TNRC6C: variants seen among roughly 807,000 people sequenced by gnomAD.
TNRC6C encodes the protein trinucleotide repeat-containing gene 6C protein.
TNRC6C carries 20 observed loss-of-function variants against 153.7 expected under a neutral mutation model. That is an observed-to-expected ratio of 0.13 (90% CI 0.09 to 0.19). The LOEUF is 0.19. Among genes scored for constraint, TNRC6C ranks in the 10% least tolerant of loss-of-function variants. The pLI is 1.00. For synonymous variants in TNRC6C, 811 were observed against 841.4 expected, an observed-to-expected ratio of 0.96 and a Z score of 0.63; for missense variants, 1,987 against 2,172.0, an observed-to-expected ratio of 0.91 and a Z score of 1.69.
intron 1 of TNRC6C, chr17:78,012,204 T>C (rs2071645475): frequency 6.6e-6 from 1 of 152,238 alleles, no homozygotes; most frequent in African/African-American, 2.4e-5. Flanking sequence ...ATGAGCTAAA[T>C]ATTAGTCACA....
chr17:78,077,499 G>A lies in TNRC6C; in HGVS notation c.3210+165G>A, dbSNP rs898994833. On this transcript the variant is annotated intron_variant, in intron 9 of 19. Transcript: ENST00000301624. The stretch of plus-strand genomic sequence containing the variant: ...AGGATTTCCCTTCAGGTGACTTACT[G>A]GAGTCAAGAGTTGAAGTAGGAAATG... 46 of 855,044 alleles carry A rather than the reference G, an allele frequency of 5.4e-5. No individual in the cohort carries two copies. In the African/African-American group the frequency reaches 7.3e-4, roughly 14 times the overall value. The allele number at this position is 855,044 out of a possible 1,614,324, so 53.0% of individuals were successfully genotyped here. A position where few individuals can be genotyped will look rare whatever the true frequency, so the allele number is the denominator to read the frequency against.
At chr17:78,004,106 G>A, upstream of TNRC6C, 1 of 1,230,180 alleles carries the variant, frequency 8.1e-7, no homozygotes, top group East Asian at 3.2e-5. Flanking sequence ...AGCAGCTAGT[G>A]CTTTTTCATT....
At chr17:78,048,066 T>A (rs1391789163) in intron 2 of TNRC6C, among the ~76,000 whole-genome samples, 1 of 152,070 alleles carries the variant, frequency 6.6e-6, no homozygotes, top group East Asian at 1.9e-4. Flanking sequence ...ATTGAGAGAA[T>A]CTTTAGAGAT....
chr17:78,054,442 C>T (rs1295233221), intron 3 of TNRC6C, among the ~76,000 whole-genome samples: 1 of 151,988 alleles, frequency 6.6e-6, no homozygotes, highest in Non-Finnish European at 1.5e-5. Flanking sequence ...CTGTAAACCA[C>T]TGCAGACTAC....
intron 2 of TNRC6C, among the ~76,000 whole-genome samples, chr17:78,047,603 A>G (rs1294090436): frequency 6.6e-6 from 1 of 152,292 alleles, no homozygotes; most frequent in East Asian, 1.9e-4. Context: ...AAGAGAATTT[A>G]TGTGGGAAAT....
chr17:78,096,727 A>G (rs988669657), intron 16 of TNRC6C, among the ~76,000 whole-genome samples: 2 of 152,228 alleles, frequency 1.3e-5, no homozygotes, highest in African/African-American at 4.8e-5. Flanking sequence ...TGGCAGAGTC[A>G]TTGTCCCAAT....
At chr17:78,041,440 A>G (rs779623222) in intron 2 of TNRC6C, among the ~76,000 whole-genome samples, 1 of 152,170 alleles carries the variant, frequency 6.6e-6, no homozygotes, top group Non-Finnish European at 1.5e-5. Flanking sequence ...TTCTTTATTT[A>G]ATAGACTCTT....
intron 1 of TNRC6C, among the ~76,000 whole-genome samples, chr17:77,982,988 C>A (rs1012339333): frequency 1.3e-5 from 2 of 151,954 alleles, no homozygotes; most frequent in Non-Finnish European, 2.9e-5. Flanking sequence ...AATAACAGAG[C>A]TTTAAAAGAC....
chr17:77,965,941 G>T (rs962998788), intron 1 of TNRC6C, among the ~76,000 whole-genome samples: 1 of 152,130 alleles, frequency 6.6e-6, no homozygotes, highest in Non-Finnish European at 1.5e-5. Flanking sequence ...AGTTCAGTGG[G>T]ACTGACTTTA....
intron 1 of TNRC6C, among the ~76,000 whole-genome samples, chr17:78,015,523 G>A (rs1181075647): frequency 6.6e-6 from 1 of 152,170 alleles, no homozygotes. Flanking sequence ...TCTAATTGAG[G>A]ATCCTTTTAA....
intron 11 of TNRC6C, among the ~76,000 whole-genome samples, chr17:78,084,314 C>T (rs978496132): frequency 2.3e-5 from 3 of 133,280 alleles, no homozygotes; most frequent in Non-Finnish European, 4.8e-5. Flanking sequence ...GACCAGGAAT[C>T]ATGAAGGAGA....
chr17:78,030,237 C>T (rs2072039803), intron 1 of TNRC6C, among the ~76,000 whole-genome samples: 1 of 152,104 alleles, frequency 6.6e-6, no homozygotes, highest in African/African-American at 2.4e-5. Flanking sequence ...GCAACCTCCA[C>T]CTCCCGGGTT....
At chr17:77,997,843 A>G (rs1192429845) in intron 1 of TNRC6C, among the ~76,000 whole-genome samples, 1 of 151,582 alleles carries the variant, frequency 6.6e-6, no homozygotes, top group Non-Finnish European at 1.5e-5. Flanking sequence ...TTTAGTAGAG[A>G]CGGGGTTTCA....
chr17:78,093,778 C>T lies in TNRC6C; in HGVS notation c.4306+15C>T. On this transcript the variant is annotated intron_variant, in intron 16 of 19. Transcript: ENST00000301624. ...CAAGAGTGGAGGTGAGGGTGCTGCT[C>T]TTCCTGCCTCTGCATGGACGGTCTC... 6.2e-7 allele frequency: 1 copy of T among 1,613,386 alleles called. No individual in the cohort carries two copies. The highest frequency in any genetic ancestry group is 1.1e-5 in the South Asian group (1 of 91,066).
At chr17:78,017,116 A>AT (rs1397631475) in intron 1 of TNRC6C, among the ~76,000 whole-genome samples, 1 of 152,172 alleles carries the variant, frequency 6.6e-6, no homozygotes, top group African/African-American at 2.4e-5. Flanking sequence ...GGAGGGAAAG[A>AT]TAGGTGGGGC....
At chr17:78,031,924 A>T in intron 2 of TNRC6C, 82 bp downstream of exon 4, 1 of 1,195,432 alleles carries the variant, frequency 8.4e-7, no homozygotes, top group Non-Finnish European at 1.0e-6. Context: ...ATAGAAATAG[A>T]CATATTTTGG....
intron 11 of TNRC6C, among the ~76,000 whole-genome samples, chr17:78,085,122 G>A (rs1444789792): frequency 6.6e-6 from 1 of 152,176 alleles, no homozygotes; most frequent in South Asian, 2.1e-4. Flanking sequence ...AGCTGTTACT[G>A]TAGAGGAAGA....
intron 7 of TNRC6C, among the ~76,000 whole-genome samples, chr17:78,073,713 T>C (rs985005907): frequency 3.3e-5 from 5 of 152,182 alleles, no homozygotes; most frequent in Admixed American, 6.5e-5. Context: ...CTCACAACAT[T>C]TTTGTCAACC....
At chr17:78,017,542 A>T (rs2071751098) in intron 1 of TNRC6C, among the ~76,000 whole-genome samples, 1 of 152,146 alleles carries the variant, frequency 6.6e-6, no homozygotes, top group Non-Finnish European at 1.5e-5. Flanking sequence ...ACAGCTGTTC[A>T]GCTCACCATG....
Sources: allele counts gnomAD v4.1 joint callset (sites outside exome capture counted in the v4.1 genomes callset), GRCh38; gene constraint gnomAD v4.1.1; transcripts MANE v1.5; gene names NCBI Gene and HGNC (gene_info 2026-07-23, HGNC 2026-07-21).